The following OXCT1 variants were observed in gnomAD, a reference collection of about 807,000 sequenced individuals.
The protein encoded by OXCT1 is 3-oxoacid CoA-transferase 1.
A neutral mutation model predicts 69.6 loss-of-function variants in OXCT1; 27 were observed. The observed-to-expected ratio is 0.39, with a 90% CI of 0.29 to 0.54. OXCT1 has a LOEUF of 0.54. OXCT1 is among the 20% of genes least tolerant of loss of function. The probability of loss-of-function intolerance (pLI) is 0.72; values close to 1 mark genes in which losing one functional copy is unlikely to be tolerated. For synonymous variants in OXCT1, 202 were observed against 217.8 expected, an observed-to-expected ratio of 0.93 and a Z score of 0.64; for missense variants, 437 against 650.2, an observed-to-expected ratio of 0.67 and a Z score of 3.57.
intron 7 of OXCT1, among the ~76,000 whole-genome samples, chr5:41,809,580 T>C (rs1053517373): frequency 6.6e-6 from 1 of 152,010 alleles, no homozygotes; most frequent in Non-Finnish European, 1.5e-5. Context: ...TTGCTATGAT[T>C]GTGACAGCAG....
At chr5:41,820,110 T>A (rs1042937386) in intron 7 of OXCT1, among the ~76,000 whole-genome samples, 2 of 152,142 alleles carry the variant, frequency 1.3e-5, no homozygotes, top group African/African-American at 4.8e-5. Context: ...AATAAAATAA[T>A]AGTGACATTC....
At chr5:41,851,884 T>C (rs867006247) in intron 4 of OXCT1, among the ~76,000 whole-genome samples, 1 of 152,198 alleles carries the variant, frequency 6.6e-6, no homozygotes. Context: ...CGAACTGTGT[T>C]CTCCCCAAAA....
chr5:41,744,643 A>C (rs891197787), intron 15 of OXCT1, among the ~76,000 whole-genome samples: 9 of 152,144 alleles, frequency 5.9e-5, no homozygotes, highest in Non-Finnish European at 8.8e-5. Context: ...CGTCCCATCA[A>C]TACCTAATTT....
At chr5:41,749,478 TA>T in intron 15 of OXCT1, 48 bp downstream of exon 15, 1 of 1,240,720 alleles carries the variant, frequency 8.1e-7, no homozygotes, top group Non-Finnish European at 1.2e-6. Flanking sequence ...CAAAACTTTC[TA>T]AAAATGCTTA....
At chr5:41,828,179 C>G (rs548275644) in intron 7 of OXCT1, among the ~76,000 whole-genome samples, 1 of 152,298 alleles carries the variant, frequency 6.6e-6, no homozygotes, top group East Asian at 1.9e-4. Context: ...AAAATCTCCT[C>G]TCACTGCAAC....
intron 5 of OXCT1, among the ~76,000 whole-genome samples, chr5:41,847,731 C>A (rs1469600497): frequency 5.3e-5 from 8 of 152,122 alleles, no homozygotes; most frequent in Admixed American, 1.3e-4. Context: ...ATTCAACAAC[C>A]CTTCATGCTA....
In OXCT1 at chr5:41,794,877, T is replaced by G. The variant is rs1579752037; in HGVS notation, c.1100-128A>C. On this transcript the variant is annotated intron_variant, in intron 11 of 16. Coordinates refer to ENST00000196371, the MANE Select transcript of OXCT1 (RefSeq NM_000436.4). ...CTCCCTTTACCAAAATGCAGTGACA[T>G]AGCAGGTGGGGGGACACAGTAGGAA... is the stretch of plus-strand genomic sequence containing the variant. The G allele has an allele frequency of 3.2e-6, 3 of 930,870 alleles. No homozygotes were observed. The African/African-American group carries it at 5.0e-5, about 15-fold the overall frequency. The allele number at this position is 930,870 out of a possible 1,614,324, so 57.7% of individuals were successfully genotyped here.
chr5:41,793,251 T>C (rs567613962), intron 13 of OXCT1, among the ~76,000 whole-genome samples: 2 of 152,328 alleles, frequency 1.3e-5, no homozygotes, highest in East Asian at 3.9e-4. Context: ...GAGAAACATA[T>C]GGAAATCCTT....
rs760722090 is a variant in OXCT1, at chr5:41,842,669, C to T, written c.671+6G>A. Reference sequence around the variant, plus strand: ...TGCACGAGTGTTTTTAAAACTATCACAATACCTGAAAATCACGTTTCCTGC... The same window carrying T: ...TGCACGAGTGTTTTTAAAACTATCATAATACCTGAAAATCACGTTTCCTGC... On this transcript the variant is annotated splice_donor_region_variant and intron_variant, in intron 6 of 16. Coordinates refer to ENST00000196371, the MANE Select transcript of OXCT1 (RefSeq NM_000436.4). The T allele has an allele frequency of 1.3e-6, 2 of 1,597,812 alleles. No homozygotes were observed. The highest frequency in any genetic ancestry group is 3.3e-5 in the Admixed American group (2 of 59,978).
rs1746733161 is a variant in OXCT1, at chr5:41,807,356, C to T, written c.815G>A (p.Gly272Glu). 6.3e-7 allele frequency: 1 copy of T among 1,582,004 alleles called. No individual in the cohort carries two copies. The highest frequency in any genetic ancestry group is 1.3e-5 in the African/African-American group (1 of 74,172). Residue 272 changes from glycine to glutamate, a missense_variant, in exon 8 of 17, where the codon GGA becomes GAA. Physicochemically the swap from Gly to Glu is moderately conservative, Grantham distance 98. Transcript: ENST00000196371. ...PQIYVHRLIK[G>E]EKYEKRIERL... is the part of the protein sequence containing the mutation. ...CTCAATTCTTTTCTCATATTTTTCT[C>T]CCTTTATAAGGCGATGTACATAAAT...
At chr5:41,789,033 A>T (rs1359710789) in intron 13 of OXCT1, among the ~76,000 whole-genome samples, 1 of 152,258 alleles carries the variant, frequency 6.6e-6, no homozygotes, top group Admixed American at 6.5e-5. Context: ...CATACAAAAA[A>T]TAACAAGGAA....
At chr5:41,732,464 T>A (rs575207221) in intron 16 of OXCT1, among the ~76,000 whole-genome samples, 102 of 152,360 alleles carry the variant, frequency 6.7e-4, no homozygotes, top group Non-Finnish European at 1.1e-3. Context: ...TAGAGCCGGT[T>A]GCAGGAGAAC....
chr5:41,793,073 G>GATC (rs1745999832), intron 13 of OXCT1, among the ~76,000 whole-genome samples: 1 of 152,138 alleles, frequency 6.6e-6, no homozygotes, highest in Non-Finnish European at 1.5e-5. Context: ...ATGATCTCTA[G>GATC]ATCAAATGAG....
chr5:41,754,902 C>T (rs921568718), intron 14 of OXCT1, among the ~76,000 whole-genome samples: 4 of 152,042 alleles, frequency 2.6e-5, no homozygotes, highest in Non-Finnish European at 4.4e-5. Context: ...GCCTGAAAAA[C>T]GGTCTTCAGG....
chr5:41,840,450 C>A lies in OXCT1; in HGVS notation c.732+1G>T. Reference sequence around the variant, plus strand: ...CCAAGAATTCAAAAATAACCTCTTACCTCTACCACTGTGGTTTCTGCAGCT... The same window carrying A: ...CCAAGAATTCAAAAATAACCTCTTAACTCTACCACTGTGGTTTCTGCAGCT... On this transcript the variant is annotated splice_donor_variant, in intron 7 of 16. Coordinates refer to ENST00000196371, the MANE Select transcript of OXCT1 (RefSeq NM_000436.4). LOFTEE classifies it high-confidence loss of function. 6.2e-7 allele frequency: 1 copy of A among 1,608,346 alleles called. No individual in the cohort carries two copies. The highest frequency in any genetic ancestry group is 8.5e-7 in the Non-Finnish European group (1 of 1,174,942).
At chr5:41,754,930 T>C (rs530161641) in intron 14 of OXCT1, among the ~76,000 whole-genome samples, 17 of 152,062 alleles carry the variant, frequency 1.1e-4, no homozygotes, top group Non-Finnish European at 2.2e-4. Context: ...GATCTTAGAA[T>C]AGAAGGCCCC....
At chr5:41,862,838 A>G in intron 1 of OXCT1, 88 bp from the exon 2 acceptor site, 1 of 780,800 alleles carries the variant, frequency 1.3e-6, no homozygotes, top group East Asian at 2.7e-5. Flanking sequence ...TGATAGACAA[A>G]TGATAATTTC....
intron 13 of OXCT1, among the ~76,000 whole-genome samples, chr5:41,773,214 G>A (rs1414519519): frequency 2.0e-5 from 3 of 152,180 alleles, no homozygotes; most frequent in Non-Finnish European, 2.9e-5. Context: ...AAAAAGTGAT[G>A]TGTCTTTAGA....
At chr5:41,795,579 G>A (rs556273651) in intron 11 of OXCT1, among the ~76,000 whole-genome samples, 1 of 152,304 alleles carries the variant, frequency 6.6e-6, no homozygotes, top group East Asian at 1.9e-4. Flanking sequence ...TGACACAGGA[G>A]ATGCACCGCA....
Sources: gnomAD v4.1 joint callset for allele counts (sites outside exome capture counted in the v4.1 genomes callset) on GRCh38, gnomAD v4.1.1 for gene constraint, MANE v1.5 for transcripts, NCBI Gene and HGNC (gene_info 2026-07-23, HGNC 2026-07-21) for gene names.